The following SYT1 variants were observed in gnomAD, a reference collection of about 807,000 sequenced individuals.
SYT1 encodes synaptotagmin-1.
In SYT1, 8 loss-of-function variants were observed where a neutral mutation model predicts 44.8. That is an observed-to-expected ratio of 0.18 (90% confidence interval 0.10 to 0.32). The LOEUF is 0.32. Among genes scored for constraint, SYT1 ranks in the 10% least tolerant of loss-of-function variants. The probability of loss-of-function intolerance (pLI) is 1.00; values close to 1 mark genes in which losing one functional copy is unlikely to be tolerated. For synonymous variants in SYT1, 154 were observed against 188.8 expected (o/e 0.82, Z 1.51); for missense variants, 286 against 509.3 (o/e 0.56, Z 4.22).
intron 3 of SYT1, among the ~76,000 whole-genome samples, chr12:79,106,980 C>G (rs1392013394): frequency 6.6e-6 from 1 of 151,666 alleles, no homozygotes; most frequent in East Asian, 1.9e-4. Context: ...TTGTGTAGAC[C>G]AGAATTCGGG....
At chr12:79,366,144 T>TTTACAGCAC (rs1232691255) in intron 9 of SYT1, among the ~76,000 whole-genome samples, 3 of 152,234 alleles carry the variant, frequency 2.0e-5, no homozygotes, top group African/African-American at 2.4e-5. Flanking sequence ...GTCTTTAATG[T>TTTACAGCAC]AGTGAAAATA....
chr12:79,058,656 C>G (rs193118537), intron 3 of SYT1, among the ~76,000 whole-genome samples: 1 of 152,010 alleles, frequency 6.6e-6, no homozygotes, highest in African/African-American at 2.4e-5. Flanking sequence ...TCTCACTTCC[C>G]GACCCCCACA....
chr12:79,178,860 C>A (rs1872071858), intron 3 of SYT1, among the ~76,000 whole-genome samples: 1 of 148,740 alleles, frequency 6.7e-6, no homozygotes, highest in Admixed American at 6.8e-5. Flanking sequence ...TCACTGCAAT[C>A]TCCTCAGCCT....
chr12:79,045,240 T>G (rs945219866), intron 2 of SYT1, among the ~76,000 whole-genome samples: 26 of 152,290 alleles, frequency 1.7e-4, no homozygotes, highest in African/African-American at 6.0e-4. Flanking sequence ...CCTTGCAGTT[T>G]GATCTCAGAC....
chr12:79,063,554 T>C (rs755713626), intron 3 of SYT1, among the ~76,000 whole-genome samples: 4 of 152,060 alleles, frequency 2.6e-5, no homozygotes, highest in Non-Finnish European at 5.9e-5. Context: ...ATAATGTTCA[T>C]TTACACATAA....
chr12:78,926,903 A>G (rs910528918), intron 1 of SYT1, among the ~76,000 whole-genome samples: 1 of 152,152 alleles, frequency 6.6e-6, no homozygotes, highest in Non-Finnish European at 1.5e-5. Flanking sequence ...TACACTTTAT[A>G]TTTTGAATTG....
chr12:79,436,587 T>C (rs1870106878), intron 9 of SYT1, among the ~76,000 whole-genome samples: 1 of 152,234 alleles, frequency 6.6e-6, no homozygotes, highest in Non-Finnish European at 1.5e-5. Flanking sequence ...AAGCGTTTAG[T>C]GGCTCCCTTA....
intron 1 of SYT1, among the ~76,000 whole-genome samples, chr12:78,873,908 A>C (rs1010457343): frequency 6.6e-6 from 1 of 151,712 alleles, no homozygotes; most frequent in Non-Finnish European, 1.5e-5. Context: ...TAGCCATACC[A>C]TTGCAATGTG....
chr12:79,094,666 A>G (rs1010786813), intron 3 of SYT1, among the ~76,000 whole-genome samples: 1 of 151,914 alleles, frequency 6.6e-6, no homozygotes, highest in Non-Finnish European at 1.5e-5. Flanking sequence ...AAAGACCTTT[A>G]AGATTTTTCA....
chr12:79,020,801 C>T (rs1872142626), intron 2 of SYT1, among the ~76,000 whole-genome samples: 1 of 151,820 alleles, frequency 6.6e-6, no homozygotes, highest in Non-Finnish European at 1.5e-5. Flanking sequence ...TTGAAGAAAC[C>T]TGTGGTGTTT....
chr12:78,955,150 G>A (rs77322479), intron 1 of SYT1, among the ~76,000 whole-genome samples: 1,954 of 152,096 alleles, frequency 0.013, 49 homozygotes, highest in African/African-American at 0.043. Flanking sequence ...TTGAAATGAC[G>A]GTTAAACAGA....
At chr12:78,917,251 AT>A (rs1213064107) in intron 1 of SYT1, among the ~76,000 whole-genome samples, 4 of 152,026 alleles carry the variant, frequency 2.6e-5, no homozygotes, top group South Asian at 2.1e-4. Flanking sequence ...AGACAGTTGT[AT>A]TTATCCTCCT....
chr12:78,984,460 G>T (rs1869502369), intron 2 of SYT1, among the ~76,000 whole-genome samples: 1 of 151,642 alleles, frequency 6.6e-6, no homozygotes, highest in East Asian at 1.9e-4. Context: ...CTTGCTTTTT[G>T]GTCATTGATC....
At chr12:79,214,941 A>ATGTGTGTG (rs71091652) in intron 3 of SYT1, among the ~76,000 whole-genome samples, 6 of 148,552 alleles carry the variant, frequency 4.0e-5, no homozygotes, top group African/African-American at 1.2e-4. Context: ...ATGTGTGTAT[A>ATGTGTGTG]TGTGTGTGTG....
At chr12:79,249,429 A>G (rs1877062918) in intron 4 of SYT1, among the ~76,000 whole-genome samples, 1 of 151,988 alleles carries the variant, frequency 6.6e-6, no homozygotes, top group Non-Finnish European at 1.5e-5. Flanking sequence ...TATATCTTCC[A>G]TCTGAAGAGT....
intron 8 of SYT1, among the ~76,000 whole-genome samples, chr12:79,325,432 T>C (rs1314890091): frequency 1.3e-5 from 2 of 152,224 alleles, no homozygotes; most frequent in Non-Finnish European, 2.9e-5. Flanking sequence ...GAATAAAGAA[T>C]AAATACTGTT....
At chr12:79,007,114 C>A (rs1871142878) in intron 2 of SYT1, among the ~76,000 whole-genome samples, 1 of 152,118 alleles carries the variant, frequency 6.6e-6, no homozygotes, top group Non-Finnish European at 1.5e-5. Flanking sequence ...CTGCTGCTGA[C>A]AGGCATGACA....
At chr12:79,115,793 CT>C in intron 3 of SYT1, among the ~76,000 whole-genome samples, 1 of 152,284 alleles carries the variant, frequency 6.6e-6, no homozygotes, top group Non-Finnish European at 1.5e-5. Context: ...TCAACTGTTC[CT>C]TTATTGCTCA....
At position 78,909,232 on chromosome 12, in the gene SYT1, T is replaced by G. The variant is rs937473764; in HGVS notation, c.-217+44123T>G. Among the ~76,000 whole-genome samples the G allele has an allele frequency of 2.0e-5, 3 of 151,978 alleles. No individual in the cohort carries two copies. In the East Asian group the frequency reaches 5.8e-4, roughly 29 times the overall value. ...TATCTAATATAAGTGTATGATTAGT[T>G]TAATTACTTTATGAAATTAAAGTAT... On this transcript the variant is annotated intron_variant, in intron 1 of 10. Transcript: ENST00000261205.
Sources: gnomAD v4.1 joint callset for allele counts (sites outside exome capture counted in the v4.1 genomes callset) on GRCh38, gnomAD v4.1.1 for gene constraint, MANE v1.5 for transcripts, NCBI Gene and HGNC (gene_info 2026-07-23, HGNC 2026-07-21) for gene names.